Variants in KCNMB4 observed in about 807,000 individuals in gnomAD.
The protein encoded by KCNMB4 is potassium calcium-activated channel subfamily M regulatory beta subunit 4, also known as calcium-activated potassium channel subunit beta-4.
KCNMB4 carries 3 observed loss-of-function variants against 20.7 expected under a neutral mutation model. The ratio of observed to expected loss-of-function variants is 0.14; its 90% CI spans 0.07 to 0.37. The LOEUF (loss-of-function observed/expected upper bound fraction) is 0.37. Among genes scored for constraint, KCNMB4 ranks in the 10% least tolerant of loss-of-function variants. The pLI is 1.00. For missense variants in KCNMB4, 168 were observed against 265.9 expected (o/e 0.63, Z 2.56); for synonymous variants, 110 against 113.4 (o/e 0.97, Z 0.19).
chr12:70,398,829 A>G (rs1329850470), intron 1 of KCNMB4, among the ~76,000 whole-genome samples: 1 of 152,210 alleles, frequency 6.6e-6, no homozygotes, highest in East Asian at 1.9e-4. Flanking sequence ...GCTGACATAA[A>G]ACAGGCAAGT....
rs145220065 is a variant in KCNMB4, at chr12:70,401,195, C to T, written c.464+859C>T. ...CACACACCACCACAGCTGGCTAATT[C>T]GTGTATTTTTAGTAGAGACAGGGTT... On this transcript the variant is annotated intron_variant, in intron 2 of 2. Coordinates refer to ENST00000258111, the MANE Select transcript of KCNMB4 (RefSeq NM_014505.6). Among the ~76,000 whole-genome samples the T allele has an allele frequency of 2.6e-3, 397 of 152,054 alleles. 3 individuals carry two copies. Among genetic ancestry groups the T allele is most frequent in the African/African-American group, 8.5e-3 (352 of 41,472 alleles).
Position 70,433,407 on chromosome 12 carries a change from C to T in KCNMB4, c.*2754C>T, listed in dbSNP as rs566156825. 2.0e-5 allele frequency: 3 copies of T among 152,276 alleles called. No individual in the cohort carries two copies. The East Asian group carries it at 5.8e-4, about 29-fold the overall frequency. The allele number at this position is 152,276 out of a possible 1,614,324, so 9.4% of individuals were successfully genotyped here. A position where few individuals can be genotyped will look rare whatever the true frequency, so the allele number is the denominator to read the frequency against. On this transcript the variant is annotated 3_prime_UTR_variant, in exon 3 of 3. Coordinates refer to ENST00000258111, the MANE Select transcript of KCNMB4 (RefSeq NM_014505.6). The stretch of plus-strand genomic sequence containing the variant: ...TTAATACCCAAGGGTATTGTTCTTT[C>T]CATGGTCAAAGCTGGCTCAAGACTT...
At chr12:70,430,362 C>CA (rs749657189) in intron 2 of KCNMB4, 123 bp from the exon 3 acceptor site, 24 of 994,828 alleles carry the variant, frequency 2.4e-5, no homozygotes, top group Non-Finnish European at 3.3e-5. Flanking sequence ...TGTTTATAGT[C>CA]AGAGTGCAGC....
intron 2 of KCNMB4, among the ~76,000 whole-genome samples, chr12:70,408,226 T>C (rs1426210498): frequency 6.6e-6 from 1 of 152,022 alleles, no homozygotes; most frequent in East Asian, 1.9e-4. Flanking sequence ...CCATGACATA[T>C]GTGAGAGGAA....
chr12:70,406,548 T>C (rs1259518265), intron 2 of KCNMB4, among the ~76,000 whole-genome samples: 1 of 152,204 alleles, frequency 6.6e-6, no homozygotes, highest in Non-Finnish European at 1.5e-5. Flanking sequence ...GGTGGGACTC[T>C]TTGAGCCTGA....
chr12:70,400,342 T>G lies in KCNMB4; in HGVS notation c.464+6T>G. On this transcript the variant is annotated splice_donor_region_variant and intron_variant, in intron 2 of 2. Coordinates refer to ENST00000258111, the MANE Select transcript of KCNMB4 (RefSeq NM_014505.6). ...TATTTTAATCAACATCAAAGGTAAG[T>G]CAATATTTGCATGTGCGTGTTAAAA... is the stretch of plus-strand genomic sequence containing the variant. The G allele has an allele frequency of 6.2e-7, 1 of 1,604,206 alleles. No homozygotes were observed. Among genetic ancestry groups the G allele is most frequent in the Non-Finnish European group, 8.5e-7 (1 of 1,177,086 alleles).
intron 2 of KCNMB4, among the ~76,000 whole-genome samples, chr12:70,424,912 C>G (rs1334520764): frequency 6.6e-6 from 1 of 152,176 alleles, no homozygotes; most frequent in East Asian, 1.9e-4. Flanking sequence ...ACGATTGCCT[C>G]AAACAACAAC....
At chr12:70,392,270 A>G (rs10784842) in intron 1 of KCNMB4, among the ~76,000 whole-genome samples, 35,336 of 152,080 alleles carry the variant, frequency 0.23, 4,591 homozygotes, top group East Asian at 0.5. Flanking sequence ...CAAAACCACA[A>G]TGAGATACCA....
intron 1 of KCNMB4, among the ~76,000 whole-genome samples, chr12:70,381,834 A>T (rs183570076): frequency 2.6e-5 from 4 of 152,284 alleles, no homozygotes; most frequent in African/African-American, 9.6e-5. Flanking sequence ...TCTACTAAAA[A>T]CCATTAAATT....
intron 1 of KCNMB4, among the ~76,000 whole-genome samples, chr12:70,394,071 A>G (rs1298406372): frequency 1.3e-5 from 2 of 152,178 alleles, no homozygotes; most frequent in African/African-American, 2.4e-5. Flanking sequence ...ATATGCTACT[A>G]TTACTACACT....
At chr12:70,372,447 G>C (rs942728224) in intron 1 of KCNMB4, among the ~76,000 whole-genome samples, 3 of 152,174 alleles carry the variant, frequency 2.0e-5, no homozygotes, top group Admixed American at 1.3e-4. Context: ...CTTGAAACAG[G>C]AAGTCCTGTA....
In KCNMB4 at chr12:70,396,933, A is replaced by G. The variant is rs189195001; in HGVS notation, c.337-3276A>G. On this transcript the variant is annotated intron_variant, in intron 1 of 2. Transcript: ENST00000258111. ...ATTTATGTAAAAATTCTGGCAATCT[A>G]CGATGATACACTAAGTGAATTGAGA... Among the ~76,000 whole-genome samples, 111 of 152,342 alleles carry G rather than the reference A, an allele frequency of 7.3e-4. 1 individual carries two copies. The highest frequency in any genetic ancestry group is 2.6e-3 in the African/African-American group (109 of 41,584).
intron 1 of KCNMB4, among the ~76,000 whole-genome samples, chr12:70,398,592 A>G (rs1201425257): frequency 2.6e-5 from 4 of 151,656 alleles, no homozygotes; most frequent in Non-Finnish European, 5.9e-5. Flanking sequence ...TGTATTGTAT[A>G]TAATAGACAA....
intron 1 of KCNMB4, among the ~76,000 whole-genome samples, chr12:70,386,596 TG>T (rs375502167): frequency 0.2 from 29,075 of 143,776 alleles, 5,105 homozygotes; most frequent in African/African-American, 0.47. Context: ...GTTTGTTTGT[TG>T]TTTTTTTTTT....
chr12:70,431,213 A>G lies in KCNMB4; in HGVS notation c.*560A>G, dbSNP rs1416002486. On this transcript the variant is annotated 3_prime_UTR_variant, in exon 3 of 3. Transcript: ENST00000258111. ...GTATCTTTTGACGTCTGCTTGGAAA[A>G]TGAATAGTATACTGGTAACTCAGTC... The G allele has an allele frequency of 6.6e-6, 1 of 152,150 alleles. No homozygotes were observed. Among genetic ancestry groups the G allele is most frequent in the Non-Finnish European group, 1.5e-5 (1 of 68,050 alleles). 9.4% of individuals were successfully genotyped at this position (152,150 alleles called of 1,614,324 possible).
At chr12:70,423,455 C>T (rs1869123212) in intron 2 of KCNMB4, among the ~76,000 whole-genome samples, 1 of 151,934 alleles carries the variant, frequency 6.6e-6, no homozygotes, top group Non-Finnish European at 1.5e-5. Flanking sequence ...ATAATACCTC[C>T]CTAGCCTTTT....
At chr12:70,391,858 A>G (rs1009128605) in intron 1 of KCNMB4, among the ~76,000 whole-genome samples, 4 of 152,198 alleles carry the variant, frequency 2.6e-5, no homozygotes, top group Admixed American at 2.6e-4. Flanking sequence ...TTTATGTGCT[A>G]AGGAAGAGAA....
intron 1 of KCNMB4, among the ~76,000 whole-genome samples, chr12:70,393,231 C>T (rs570696179): frequency 6.6e-6 from 1 of 152,198 alleles, no homozygotes; most frequent in South Asian, 2.1e-4. Flanking sequence ...GAGAAAGAGT[C>T]TCACTCTGTC....
intron 2 of KCNMB4, among the ~76,000 whole-genome samples, chr12:70,414,434 G>A (rs758856659): frequency 6.6e-6 from 1 of 152,130 alleles, no homozygotes; most frequent in Non-Finnish European, 1.5e-5. Flanking sequence ...CACATGGCTA[G>A]GGAGGAGCAG....
Sources: allele counts gnomAD v4.1 joint callset (sites outside exome capture counted in the v4.1 genomes callset), GRCh38; gene constraint gnomAD v4.1.1; transcripts MANE v1.5; gene names NCBI Gene and HGNC (gene_info 2026-07-23, HGNC 2026-07-21).